PEAK1: variants seen among roughly 807,000 people sequenced by gnomAD.
The protein encoded by PEAK1 is pseudopodium enriched atypical kinase 1.
PEAK1 carries 54 observed loss-of-function variants against 124.7 expected under a neutral mutation model. The observed-to-expected ratio is 0.43, with a 90% CI of 0.35 to 0.54. The LOEUF is 0.54. Ranked by LOEUF, PEAK1 falls within the 20% of genes least tolerant of loss-of-function variation. The pLI is 0.01. For missense variants in PEAK1, 2,046 were observed against 2,134.5 expected (o/e 0.96, Z 0.82); for synonymous variants, 719 against 760.0 (o/e 0.95, Z 0.89).
chr15:77,290,075 C>G (rs886376111), intron 2 of PEAK1, among the ~76,000 whole-genome samples: 23 of 152,150 alleles, frequency 1.5e-4, no homozygotes, highest in African/African-American at 5.1e-4. Flanking sequence ...TCAAGCGATT[C>G]TCCTGCCTCA....
At chr15:77,141,936 G>T (rs1480481904) in intron 8 of PEAK1, among the ~76,000 whole-genome samples, 1 of 152,096 alleles carries the variant, frequency 6.6e-6, no homozygotes, top group Non-Finnish European at 1.5e-5. Flanking sequence ...TTAGGTAATG[G>T]TTTCTTAGAT....
At chr15:77,287,157 G>A (rs1197263834) in intron 2 of PEAK1, among the ~76,000 whole-genome samples, 1 of 152,172 alleles carries the variant, frequency 6.6e-6, no homozygotes, top group Non-Finnish European at 1.5e-5. Context: ...CTGTACTCAG[G>A]AAGAGAAGGA....
At chr15:77,228,850 C>T (rs555507714) in intron 6 of PEAK1, among the ~76,000 whole-genome samples, 1 of 152,196 alleles carries the variant, frequency 6.6e-6, no homozygotes, top group African/African-American at 2.4e-5. Flanking sequence ...GTATTGAGGA[C>T]TCTAGGTTCT....
intron 2 of PEAK1, among the ~76,000 whole-genome samples, chr15:77,324,348 G>C (rs1181512767): frequency 2.0e-5 from 3 of 152,046 alleles, no homozygotes; most frequent in Admixed American, 6.5e-5. Context: ...GGGCATAGTG[G>C]TGGGTGCCTG....
chr15:77,349,331 G>A (rs2067070741), intron 2 of PEAK1: 8 of 979,062 alleles, frequency 8.2e-6, no homozygotes, highest in African/African-American at 3.5e-5. Context: ...GAGCCACCGC[G>A]CCCGGCCTCA....
downstream of PEAK1, chr15:77,105,269 T>C (rs533573878): frequency 1.3e-5 from 2 of 152,688 alleles, no homozygotes; most frequent in East Asian, 3.9e-4. Flanking sequence ...TCACTCAGCT[T>C]TCTGGTTGCT....
intron 8 of PEAK1, among the ~76,000 whole-genome samples, chr15:77,148,323 A>AT (rs2054318979): frequency 6.6e-6 from 1 of 152,192 alleles, no homozygotes; most frequent in Admixed American, 6.5e-5. Context: ...TTAAAACTAT[A>AT]TAAGAAATGT....
At chr15:77,347,846 TACA>T (rs1485966152) in intron 2 of PEAK1, 3 of 984,890 alleles carry the variant, frequency 3.0e-6, no homozygotes, top group Non-Finnish European at 3.6e-6. Flanking sequence ...CAAAAGCATC[TACA>T]ACATTAAACA....
chr15:77,251,213 C>T (rs759637770), intron 6 of PEAK1, among the ~76,000 whole-genome samples: 13 of 152,174 alleles, frequency 8.5e-5, no homozygotes, highest in Non-Finnish European at 1.3e-4. Context: ...CTTTACAAAA[C>T]ATGCATTGAA....
intron 9 of PEAK1, among the ~76,000 whole-genome samples, chr15:77,116,088 G>A (rs1596231865): frequency 6.6e-6 from 1 of 152,220 alleles, no homozygotes; most frequent in East Asian, 1.9e-4. Context: ...ATGGATCAAG[G>A]AAGAATTTTT....
chr15:77,273,325 T>A (rs915489088), intron 5 of PEAK1, among the ~76,000 whole-genome samples: 1 of 152,142 alleles, frequency 6.6e-6, no homozygotes, highest in African/African-American at 2.4e-5. Flanking sequence ...GAAGTCAAAC[T>A]GTCACTGTTT....
At chr15:77,296,985 G>C (rs138493389) in intron 2 of PEAK1, among the ~76,000 whole-genome samples, 1 of 151,762 alleles carries the variant, frequency 6.6e-6, no homozygotes, top group Non-Finnish European at 1.5e-5. Context: ...CAAAATTCCC[G>C]TTTAGTCTAA....
At chr15:77,321,949 C>A (rs1393212233) in intron 2 of PEAK1, among the ~76,000 whole-genome samples, 1 of 152,180 alleles carries the variant, frequency 6.6e-6, no homozygotes, top group African/African-American at 2.4e-5. Context: ...ACAGTGCAAT[C>A]AAACTAGAAC....
chr15:77,251,578 C>T lies in PEAK1; in HGVS notation c.-115+789G>A, dbSNP rs535317394. The stretch of plus-strand genomic sequence containing the variant: ...AAATCCTTTGCATACTGAATAGGAA[C>T]TACTACCTATGTTGCTTGATTATTT... On this transcript the variant is annotated intron_variant, in intron 6 of 9. Coordinates refer to ENST00000682557, the MANE Select transcript of PEAK1 (RefSeq NM_001385026.1). Among the ~76,000 whole-genome samples, 18 of 152,232 alleles carry T rather than the reference C, an allele frequency of 1.2e-4. No individual in the cohort carries two copies. The South Asian group carries it at 3.5e-3, about 30-fold the overall frequency.
In PEAK1 at chr15:77,252,221, G is replaced by A. The variant is rs528826052; in HGVS notation, c.-115+146C>T. On this transcript the variant is annotated intron_variant, in intron 6 of 9. Coordinates refer to ENST00000682557, the MANE Select transcript of PEAK1 (RefSeq NM_001385026.1). ...TTTTGAGCAAACATTAAGGACCAAAGCCTGGTTATGCTAAATAAGTTATAA... is the reference window on the plus strand; with the variant it reads ...TTTTGAGCAAACATTAAGGACCAAAACCTGGTTATGCTAAATAAGTTATAA... The A allele has an allele frequency of 1.4e-5, 5 of 359,650 alleles. No individual in the cohort carries two copies. The South Asian group carries it at 3.3e-4, about 24-fold the overall frequency. The allele number at this position is 359,650 out of a possible 1,614,324, so 22.3% of individuals were successfully genotyped here. A position where few individuals can be genotyped will look rare whatever the true frequency, so the allele number is the denominator to read the frequency against.
chr15:77,130,689 T>C (rs1268097442), intron 9 of PEAK1, among the ~76,000 whole-genome samples: 1 of 152,238 alleles, frequency 6.6e-6, no homozygotes, highest in Non-Finnish European at 1.5e-5. Context: ...AAAAAGGGAC[T>C]ATGGGAATGG....
chr15:77,199,595 A>G (rs2058266241), intron 6 of PEAK1, among the ~76,000 whole-genome samples: 1 of 152,376 alleles, frequency 6.6e-6, no homozygotes, highest in East Asian at 1.9e-4. Context: ...CATGTTGTAC[A>G]TGACTTCAAG....
At chr15:77,165,258 G>A (rs547214629) in intron 7 of PEAK1, among the ~76,000 whole-genome samples, 2 of 148,246 alleles carry the variant, frequency 1.3e-5, no homozygotes, top group Non-Finnish European at 3.0e-5. Context: ...GCAGTGGCAC[G>A]AACTCAGCTC....
At chr15:77,353,983 C>T (rs1333745173) in intron 2 of PEAK1, among the ~76,000 whole-genome samples, 1 of 152,146 alleles carries the variant, frequency 6.6e-6, no homozygotes, top group Admixed American at 6.5e-5. Flanking sequence ...CCTTTTTCTG[C>T]ACTTGTCCAC....
Sources: gnomAD v4.1 joint callset for allele counts (sites outside exome capture counted in the v4.1 genomes callset) on GRCh38, gnomAD v4.1.1 for gene constraint, MANE v1.5 for transcripts, NCBI Gene and HGNC (gene_info 2026-07-23, HGNC 2026-07-21) for gene names.